CACNA2D3: variants seen among roughly 807,000 people sequenced by gnomAD.
CACNA2D3 encodes the protein voltage-dependent calcium channel subunit alpha-2/delta-3.
CACNA2D3 carries 60 observed loss-of-function variants against 160.6 expected under a neutral mutation model. That is an observed-to-expected ratio of 0.37 (90% confidence interval 0.30 to 0.46). The LOEUF (loss-of-function observed/expected upper bound fraction) is 0.46. Among genes scored for constraint, CACNA2D3 ranks in the 20% least tolerant of loss-of-function variants. The pLI is 1.00. For synonymous variants in CACNA2D3, 558 were observed against 492.9 expected (o/e 1.13, Z -1.75); for missense variants, 1,205 against 1,365.0 (o/e 0.88, Z 1.85).
chr3:55,070,621 C>T (rs1305750318), intron 35 of CACNA2D3, among the ~76,000 whole-genome samples: 3 of 152,128 alleles, frequency 2.0e-5, no homozygotes, highest in Non-Finnish European at 4.4e-5. Flanking sequence ...AGGGGGAAGA[C>T]AATGTATAGG....
intron 14 of CACNA2D3, among the ~76,000 whole-genome samples, chr3:54,817,447 C>T (rs9835406): frequency 0.017 from 2,529 of 152,222 alleles, 67 homozygotes; most frequent in African/African-American, 0.058. Flanking sequence ...GTTCTGTGTC[C>T]AGAAAGACTC....
At chr3:54,126,677 C>T (rs907092558) in intron 2 of CACNA2D3, among the ~76,000 whole-genome samples, 1 of 152,102 alleles carries the variant, frequency 6.6e-6, no homozygotes, top group Non-Finnish European at 1.5e-5. Context: ...TGGGACTTGT[C>T]TGTGGGCGCT....
chr3:54,569,704 T>C (rs1702463887), intron 6 of CACNA2D3, 91 bp from the exon 7 acceptor site: 2 of 1,033,640 alleles, frequency 1.9e-6, no homozygotes, highest in Non-Finnish European at 2.9e-6. Flanking sequence ...TTTCACCCTG[T>C]CCATTCAATC....
At chr3:54,553,638 T>G (rs1702194677) in intron 5 of CACNA2D3, among the ~76,000 whole-genome samples, 1 of 152,374 alleles carries the variant, frequency 6.6e-6, no homozygotes, top group East Asian at 1.9e-4. Flanking sequence ...TTATAATTGT[T>G]CTTCTTCATT....
chr3:55,066,288 T>C (rs1252208133), intron 35 of CACNA2D3, among the ~76,000 whole-genome samples: 1 of 152,210 alleles, frequency 6.6e-6, no homozygotes, highest in Admixed American at 6.6e-5. Flanking sequence ...TTTCATTTTA[T>C]CTTTGGATAA....
At chr3:54,226,272 G>A (rs542484679) in intron 2 of CACNA2D3, among the ~76,000 whole-genome samples, 22 of 149,912 alleles carry the variant, frequency 1.5e-4, no homozygotes, top group African/African-American at 5.4e-4. Context: ...CAGACTGTAA[G>A]GTTATCCTCT....
At chr3:54,304,128 T>C (rs2107492963) in intron 2 of CACNA2D3, among the ~76,000 whole-genome samples, 1 of 152,308 alleles carries the variant, frequency 6.6e-6, no homozygotes, top group East Asian at 1.9e-4. Context: ...CTGACCTCTG[T>C]CCACTGGATT....
chr3:54,600,840 A>T (rs1703047221), intron 9 of CACNA2D3, among the ~76,000 whole-genome samples: 2 of 150,730 alleles, frequency 1.3e-5, no homozygotes, highest in South Asian at 4.2e-4. Flanking sequence ...TGCAGCCCGG[A>T]CCTAGCTTCT....
At chr3:54,798,726 A>C (rs28670621) in intron 13 of CACNA2D3, among the ~76,000 whole-genome samples, 2,900 of 152,346 alleles carry the variant, frequency 0.019, 87 homozygotes, top group African/African-American at 0.066. Context: ...AGGAAGCAAC[A>C]GGTGATAGCA....
At chr3:54,586,380 TA>T (rs35704476) in intron 9 of CACNA2D3, among the ~76,000 whole-genome samples, 42,809 of 152,014 alleles carry the variant, frequency 0.28, 6,840 homozygotes, top group South Asian at 0.4. Flanking sequence ...GTGATTCTAT[TA>T]ATACCATATA....
rs139358781 is a variant in CACNA2D3, at chr3:54,168,800, T to G, written c.204+45206T>G. Among the ~76,000 whole-genome samples the G allele has an allele frequency of 5.5e-3, 837 of 152,234 alleles. 4 individuals are homozygous for G. Among genetic ancestry groups the G allele is most frequent in the African/African-American group, 0.018 (737 of 41,544 alleles). ...CCAGCATTCCACAGAGTCCAAAAGCTCAGCCAAGCCAATTTGCAGGGTCTC... is the reference window on the plus strand; with the variant it reads ...CCAGCATTCCACAGAGTCCAAAAGCGCAGCCAAGCCAATTTGCAGGGTCTC... On this transcript the variant is annotated intron_variant, in intron 2 of 37. Transcript: ENST00000474759.
At chr3:54,843,226 G>T (rs962828986) in intron 16 of CACNA2D3, among the ~76,000 whole-genome samples, 2 of 152,142 alleles carry the variant, frequency 1.3e-5, no homozygotes, top group African/African-American at 4.8e-5. Context: ...CTCTCAAACT[G>T]TTAGGATTAC....
rs529581811 is a variant in CACNA2D3 at position 54,253,151 on chromosome 3, A to G, written c.205-67291A>G. Among the ~76,000 whole-genome samples, 8 of 149,278 alleles carry G rather than the reference A, an allele frequency of 5.4e-5. No homozygotes were observed. In the South Asian group the frequency reaches 6.4e-4, roughly 12 times the overall value. On this transcript the variant is annotated intron_variant, in intron 2 of 37. Coordinates refer to ENST00000474759, the MANE Select transcript of CACNA2D3 (RefSeq NM_018398.3). ...CAGATCATCTTTGTTTTAAAATACT[A>G]TAATGACACTGTATTTTTAATTAAT...
intron 27 of CACNA2D3, among the ~76,000 whole-genome samples, chr3:54,962,694 A>T (rs908553271): frequency 6.6e-6 from 1 of 152,160 alleles, no homozygotes; most frequent in African/African-American, 2.4e-5. Flanking sequence ...ACAACTCCTG[A>T]TTGGAATTCA....
At chr3:54,433,904 C>T (rs984564510) in intron 4 of CACNA2D3, among the ~76,000 whole-genome samples, 1 of 152,188 alleles carries the variant, frequency 6.6e-6, no homozygotes, top group African/African-American at 2.4e-5. Flanking sequence ...TTATCCAACC[C>T]CCTGAAATGA....
chr3:54,787,557 G>A (rs1161726311), intron 13 of CACNA2D3, among the ~76,000 whole-genome samples: 1 of 152,130 alleles, frequency 6.6e-6, no homozygotes, highest in Non-Finnish European at 1.5e-5. Flanking sequence ...ATGCACATGG[G>A]GGGCCACACA....
chr3:55,026,684 G>GAAGCT (rs912536052), intron 35 of CACNA2D3, among the ~76,000 whole-genome samples: 6 of 152,174 alleles, frequency 3.9e-5, no homozygotes, highest in Non-Finnish European at 8.8e-5. Context: ...GAAGTTCCAG[G>GAAGCT]AAGCTGAATA....
In CACNA2D3 at chr3:54,445,278, C is replaced by T. The variant is rs778846133; in HGVS notation, c.382-58214C>T. 5.3e-5 allele frequency among the ~76,000 whole-genome samples: 8 copies of T among 152,180 alleles called. No homozygotes were observed. In the South Asian group the frequency reaches 1.2e-3, roughly 24 times the overall value. On this transcript the variant is annotated intron_variant, in intron 4 of 37. Transcript: ENST00000474759. ...TGGAAACCCAGATTTGGAAACGAAC[C>T]ATCTCATTTCTTTAAAAAATGTTGG...
intron 9 of CACNA2D3, among the ~76,000 whole-genome samples, chr3:54,602,108 A>G (rs975701695): frequency 6.6e-6 from 1 of 152,186 alleles, no homozygotes; most frequent in Non-Finnish European, 1.5e-5. Flanking sequence ...GCAGCAAGCC[A>G]TAGTTGCCAT....
Sources: allele counts gnomAD v4.1 joint callset (sites outside exome capture counted in the v4.1 genomes callset), GRCh38; gene constraint gnomAD v4.1.1; transcripts MANE v1.5; gene names NCBI Gene and HGNC (gene_info 2026-07-23, HGNC 2026-07-21).